Variants in AASS observed in about 807,000 individuals in gnomAD.
AASS encodes aminoadipate-semialdehyde synthase.
Under a neutral mutation model 105.4 loss-of-function variants are expected in AASS, and 86 were observed. The ratio of observed to expected loss-of-function variants is 0.82; its 90% confidence interval spans 0.69 to 0.98. AASS has a LOEUF of 0.98. AASS is among the 50% of genes least tolerant of loss of function. AASS has a pLI of 0.00. For missense variants in AASS, 1,048 were observed against 1,143.2 expected, an observed-to-expected ratio of 0.92 and a Z score of 1.20; for synonymous variants, 381 against 394.8, an observed-to-expected ratio of 0.96 and a Z score of 0.41.
At chr7:122,141,787 G>A (rs1280255079) in intron 1 of AASS, among the ~76,000 whole-genome samples, 2 of 151,802 alleles carry the variant, frequency 1.3e-5, no homozygotes, top group Non-Finnish European at 2.9e-5. Context: ...ATAACTAGAT[G>A]TAGGGTTCCT....
At chr7:122,079,080 T>A in intron 21 of AASS, 130 bp from the exon 22 acceptor site, 2 of 1,569,410 alleles carry the variant, frequency 1.3e-6, no homozygotes, top group Non-Finnish European at 8.6e-7. Context: ...AGTTGTAGGA[T>A]TCTCCTAAAA....
chr7:122,111,938 T>C (rs1264403067), intron 11 of AASS, among the ~76,000 whole-genome samples: 3 of 152,060 alleles, frequency 2.0e-5, no homozygotes, highest in Non-Finnish European at 2.9e-5. Context: ...AGATTATGTA[T>C]TCATTACAAC....
At chr7:122,108,193 C>T (rs75724748) in intron 11 of AASS, among the ~76,000 whole-genome samples, 2,041 of 152,036 alleles carry the variant, frequency 0.013, 52 homozygotes, top group African/African-American at 0.046. Flanking sequence ...AGTCTCCCAT[C>T]AAAGACTAGC....
chr7:122,128,320 C>T (rs1795748848), intron 3 of AASS, among the ~76,000 whole-genome samples: 2 of 152,178 alleles, frequency 1.3e-5, no homozygotes, highest in Admixed American at 6.5e-5. Context: ...CATTTCTGAA[C>T]ATGGTGTACT....
At chr7:122,127,500 CAA>C (rs944605785) in intron 3 of AASS, among the ~76,000 whole-genome samples, 1 of 151,652 alleles carries the variant, frequency 6.6e-6, no homozygotes, top group Admixed American at 6.6e-5. Flanking sequence ...GTTAAAATAA[CAA>C]AAAAAGTTCC....
intron 21 of AASS, 163 bp downstream of exon 21, chr7:122,079,434 T>C (rs1367604639): frequency 9.0e-7 from 1 of 1,112,908 alleles, no homozygotes; most frequent in African/African-American, 1.6e-5. Context: ...TCTCTTTATC[T>C]ACTCTTTATG....
intron 12 of AASS, 25 bp downstream of exon 12, chr7:122,101,596 A>G: frequency 6.3e-7 from 1 of 1,597,148 alleles, no homozygotes; most frequent in Non-Finnish European, 8.6e-7. Context: ...TACATTTATG[A>G]AAAAATATTC....
intron 8 of AASS, 83 bp downstream of exon 8, chr7:122,116,550 C>T: frequency 1.3e-6 from 2 of 1,563,528 alleles, no homozygotes; most frequent in South Asian, 2.2e-5. Context: ...AGCCATTGTA[C>T]AATTCATAAT....
Position 122,083,707 on chromosome 7 carries a change from G to C in AASS, c.2185-2112C>G, listed in dbSNP as rs145371282. 3.0e-3 allele frequency among the ~76,000 whole-genome samples: 458 copies of C among 152,154 alleles called. 4 individuals are homozygous for C. Among genetic ancestry groups the C allele is most frequent in the East Asian group, 0.025 (131 of 5,148 alleles). ...AAGAAGGGGAACTCACATAGATGGG[G>C]CTGGGTGGTTCAAGGGGAAGGAGTT... On this transcript the variant is annotated intron_variant, in intron 19 of 23. Coordinates refer to ENST00000417368, the MANE Select transcript of AASS (RefSeq NM_005763.4).
At chr7:122,100,250 T>C (rs77540074) in intron 13 of AASS, among the ~76,000 whole-genome samples, 5,437 of 151,876 alleles carry the variant, frequency 0.036, 247 homozygotes, top group African/African-American at 0.11. Flanking sequence ...AGAGAAGATA[T>C]CATCTTGACC....
chr7:122,109,338 G>A (rs536409450), intron 11 of AASS, among the ~76,000 whole-genome samples: 11 of 150,020 alleles, frequency 7.3e-5, no homozygotes, highest in East Asian at 3.9e-4. Flanking sequence ...ACCCCAAATC[G>A]TCACACAATA....
chr7:122,121,388 T>C (rs1309896179), intron 4 of AASS, among the ~76,000 whole-genome samples: 1 of 152,202 alleles, frequency 6.6e-6, no homozygotes, highest in African/African-American at 2.4e-5. Context: ...ATCAATTATC[T>C]TTTAAAGAAT....
At chr7:122,105,742 A>C (rs1048990101) in intron 11 of AASS, among the ~76,000 whole-genome samples, 9 of 152,082 alleles carry the variant, frequency 5.9e-5, no homozygotes, top group Non-Finnish European at 1.2e-4. Flanking sequence ...CTCAGAAGGA[A>C]GTTTATAGCA....
At chr7:122,113,956 A>G (rs1795052716) in intron 9 of AASS, among the ~76,000 whole-genome samples, 2 of 151,796 alleles carry the variant, frequency 1.3e-5, no homozygotes, top group African/African-American at 4.8e-5. Context: ...AAAGAAAGAA[A>G]AGAAAAAAGG....
chr7:122,118,498 A>T, intron 5 of AASS, 45 bp from the exon 6 acceptor site: 1 of 1,613,768 alleles, frequency 6.2e-7, no homozygotes, highest in Non-Finnish European at 8.5e-7. Context: ...CCAGCTCAGC[A>T]TTTTTTTTAT....
At chr7:122,090,945 C>G (rs1427221610) in intron 18 of AASS, among the ~76,000 whole-genome samples, 1 of 152,104 alleles carries the variant, frequency 6.6e-6, no homozygotes, top group Admixed American at 6.6e-5. Flanking sequence ...CTCCTTCCCC[C>G]AACCCCTTCA....
intron 11 of AASS, among the ~76,000 whole-genome samples, chr7:122,104,848 G>A (rs988860191): frequency 1.3e-5 from 2 of 151,756 alleles, no homozygotes; most frequent in African/African-American, 2.4e-5. Context: ...CTTTAGTGAC[G>A]AATTCATTTG....
chr7:122,133,768 C>G, intron 1 of AASS, 27 bp from the exon 2 acceptor site: 1 of 1,593,368 alleles, frequency 6.3e-7, no homozygotes, highest in Non-Finnish European at 8.6e-7. Flanking sequence ...AAGAGCAGAG[C>G]AACAAAAGGC....
chr7:122,141,394 A>C (rs899121604), intron 1 of AASS, among the ~76,000 whole-genome samples: 12 of 152,188 alleles, frequency 7.9e-5, no homozygotes, highest in Non-Finnish European at 1.5e-4. Context: ...AGTTAGTTCT[A>C]AATCGGAGTC....
Sources: allele counts gnomAD v4.1 joint callset (sites outside exome capture counted in the v4.1 genomes callset), GRCh38; gene constraint gnomAD v4.1.1; transcripts MANE v1.5; gene names NCBI Gene and HGNC (gene_info 2026-07-23, HGNC 2026-07-21).